GLA: variants seen among roughly 807,000 people sequenced by gnomAD.
The protein encoded by GLA is alpha-galactosidase A.
Under a neutral mutation model 28.2 loss-of-function variants are expected in GLA, and 4 were observed. The observed-to-expected ratio is 0.14, with a 90% confidence interval of 0.07 to 0.32. GLA has a LOEUF of 0.32. Ranked by LOEUF, GLA falls within the 10% of genes least tolerant of loss-of-function variation. The probability of loss-of-function intolerance (pLI) is 1.00; values close to 1 mark genes in which losing one functional copy is unlikely to be tolerated. For missense variants in GLA, 203 were observed against 323.7 expected (o/e 0.63, Z 2.86); for synonymous variants, 94 against 113.0 (o/e 0.83, Z 1.07).
chrX:101,401,705 G>A lies in GLA; in HGVS notation c.474C>T (p.Thr158=), dbSNP rs782615630. The change falls in exon 3 of 7, where the codon ACC becomes ACT. Residue 158 remains threonine, a synonymous_variant. Transcript: ENST00000218516. The part of the protein sequence containing the change: ...SFGYYDIDAQ[T]FADWGVDLLK... ...GCAGATCTACTCCCCAGTCAGCAAA[G>A]GTCTGGGCATCAATGTCGTAGTATC... 8 of 1,208,305 alleles carry A rather than the reference G, an allele frequency of 6.6e-6. No individual in the cohort carries two copies. The Admixed American group carries it at 1.3e-4, about 20-fold the overall frequency.
Position 101,405,129 on chromosome X carries a change from G to A in GLA, c.195-1144C>T, listed in dbSNP as rs1426022800. On this transcript the variant is annotated intron_variant, in intron 1 of 6. Coordinates refer to ENST00000218516, the MANE Select transcript of GLA (RefSeq NM_000169.3). ...CGCATGCCTGTAATTCCAGCTACTC[G>A]CGAGGATGAGGCAGGAGAATTGCTT... Among the ~76,000 whole-genome samples, 14 of 107,084 alleles carry A rather than the reference G, an allele frequency of 1.3e-4. No homozygotes were observed. Among genetic ancestry groups the A allele is most frequent in the Non-Finnish European group, 1.7e-4 (9 of 52,007 alleles). 93.0% of individuals were successfully genotyped at this position (107,084 alleles called of 115,157 possible). A position where few individuals can be genotyped will look rare whatever the true frequency, so the allele number is the denominator to read the frequency against.
rs781880952 is a variant in GLA at position 101,406,211 on chromosome X, CA to C, written c.194+1498del. On this transcript the variant is annotated intron_variant, in intron 1 of 6. Transcript: ENST00000218516. ...TGGGCGACAGAGCGAGACCCCGTCT[CA>C]AAAAAAAAAAAAAAAAAAAAGTGTA... is the stretch of plus-strand genomic sequence containing the variant. 8.2e-3 allele frequency among the ~76,000 whole-genome samples: 292 copies of C among 35,681 alleles called. 2 individuals are homozygous for C. The highest frequency in any genetic ancestry group is 0.029 in the East Asian group (27 of 920). 31.0% of individuals were successfully genotyped at this position (35,681 alleles called of 115,157 possible).
At chrX:101,401,239 G>T in intron 3 of GLA, 1 of 240,427 alleles carries the variant, frequency 4.2e-6, no homozygotes. Flanking sequence ...GTACCTCCCA[G>T]ACTGCTGGGA....
intron 1 of GLA, among the ~76,000 whole-genome samples, chrX:101,406,120 A>G (rs1288194855): frequency 3.9e-5 from 4 of 102,055 alleles, no homozygotes; most frequent in Admixed American, 1.1e-4. Context: ...GCTGAGGCAG[A>G]AGAATGGCGT....
intron 1 of GLA, among the ~76,000 whole-genome samples, chrX:101,406,206 C>A (rs186624778): frequency 0.013 from 1,164 of 89,310 alleles, 13 homozygotes; most frequent in Non-Finnish European, 0.02. Flanking sequence ...AGCGAGACCC[C>A]GTCTCAAAAA....
At chrX:101,403,026 G>A (rs782661731) in intron 2 of GLA, among the ~76,000 whole-genome samples, 20 of 110,558 alleles carry the variant, frequency 1.8e-4, no homozygotes, top group Non-Finnish European at 3.6e-4. Flanking sequence ...TAGGCTAGGC[G>A]CGGTGGCTCA....
chrX:101,398,295 A>C (rs1555984903), intron 6 of GLA, 75 bp downstream of exon 6: 10 of 870,930 alleles, frequency 1.1e-5, no homozygotes, highest in Non-Finnish European at 1.7e-5. Context: ...AGCAAGGGAA[A>C]AAAATAGATT....
At chrX:101,404,008 C>T (rs782507007) in intron 1 of GLA, 23 bp from the exon 2 acceptor site, 1 of 1,163,806 alleles carries the variant, frequency 8.6e-7, no homozygotes. Context: ...TTCCAATAAT[C>T]ATTACAATTC....
At chrX:101,398,749 C>A in intron 5 of GLA, 36 bp downstream of exon 5, 1 of 1,191,189 alleles carries the variant, frequency 8.4e-7, no homozygotes, top group Non-Finnish European at 1.1e-6. Context: ...ACAAGCCTAC[C>A]GCAGGGTCTT....
chrX:101,407,475 A>G (rs1928565226), intron 1 of GLA, among the ~76,000 whole-genome samples: 1 of 111,295 alleles, frequency 9.0e-6, no homozygotes, highest in Non-Finnish European at 1.9e-5. Context: ...AGAGAGAGAG[A>G]GAGAGAAAGA....
Position 101,397,997 on chromosome X carries a change from C to T in GLA, c.1102G>A (p.Ala368Thr), listed in dbSNP as rs144994244. The part of the protein sequence containing the change: ...EIGGPRSYTI[A>T]VASLGKGVAC... ...ACTCCTTTACCCAGGGAAGCAACTG[C>T]GATGGTATAAGAGCGAGGTCCACCA... The change falls in exon 7 of 7, where the codon GCA becomes ACA. Residue 368 changes from alanine (A) to threonine (T), a missense_variant. This residue lies in a region of GLA where 162 missense variants were observed against 246.8 expected (regional missense o/e 0.66). Coordinates refer to ENST00000218516, the MANE Select transcript of GLA (RefSeq NM_000169.3). 59 of 1,208,524 alleles carry T rather than the reference C, an allele frequency of 4.9e-5. No individual in the cohort carries two copies. In the African/African-American group the frequency reaches 1.0e-3, roughly 20 times the overall value.
chrX:101,405,642 C>T (rs1047882259), intron 1 of GLA, among the ~76,000 whole-genome samples: 7 of 110,738 alleles, frequency 6.3e-5, no homozygotes, highest in Non-Finnish European at 9.5e-5. Context: ...AAAAAGAGGC[C>T]GGGTGCGGTG....
chrX:101,401,891 G>T, intron 2 of GLA, 82 bp from the exon 3 acceptor site: 1 of 852,491 alleles, frequency 1.2e-6, no homozygotes, highest in South Asian at 2.2e-5. Flanking sequence ...TTCCAGGCTG[G>T]GGGAAGAGAC....
chrX:101,405,105 G>A (rs1187654802), intron 1 of GLA, among the ~76,000 whole-genome samples: 5 of 108,680 alleles, frequency 4.6e-5, no homozygotes, highest in African/African-American at 1.7e-4. Context: ...GCGTGGTGGC[G>A]CATGCCTGTA....
intron 3 of GLA, 194 bp from the exon 4 acceptor site, chrX:101,400,951 T>C: frequency 3.5e-6 from 1 of 287,580 alleles, no homozygotes; most frequent in Non-Finnish European, 6.0e-6. Context: ...CTCTTCTGTC[T>C]CAGCTTCCCA....
intron 1 of GLA, among the ~76,000 whole-genome samples, chrX:101,405,935 T>C (rs1201863890): frequency 3.4e-5 from 3 of 87,365 alleles, no homozygotes; most frequent in Non-Finnish European, 6.5e-5. Context: ...AAAGTAAGGC[T>C]GGGCACGGTG....
chrX:101,405,498 G>A (rs1928474296), intron 1 of GLA, among the ~76,000 whole-genome samples: 1 of 111,697 alleles, frequency 9.0e-6, no homozygotes, highest in Non-Finnish European at 1.9e-5. Context: ...TCTTCAGGTA[G>A]GAAAGGACTT....
rs782246787 is a variant in GLA at position 101,407,461 on chromosome X, C to CGAGAGAGAGAGAGA, written c.194+235_194+248dup. Among the ~76,000 whole-genome samples the CGAGAGAGAGAGAGA allele has an allele frequency of 6.6e-3, 687 of 103,708 alleles. 11 individuals carry two copies. The highest frequency in any genetic ancestry group is 0.024 in the African/African-American group (651 of 27,632). 90.1% of individuals were successfully genotyped at this position (103,708 alleles called of 115,157 possible). On this transcript the variant is annotated intron_variant, in intron 1 of 6. Coordinates refer to ENST00000218516, the MANE Select transcript of GLA (RefSeq NM_000169.3). ...AAGAGAAAGAGAAAGAGAAGGAGAA[C>CGAGAGAGAGAGAGA]GAGAGAGAGAGAGAGAGAGAAAGAA...
At chrX:101,401,153 G>A (rs1164744604) in intron 3 of GLA, 11 of 194,718 alleles carry the variant, frequency 5.6e-5, no homozygotes, top group Non-Finnish European at 8.5e-5. Context: ...TATATTTTAA[G>A]AAGAGGCTAC....
Sources: allele counts gnomAD v4.1 joint callset (sites outside exome capture counted in the v4.1 genomes callset), GRCh38; gene constraint gnomAD v4.1.1; regional missense constraint gnomAD v4.1.1; transcripts MANE v1.5; gene names NCBI Gene and HGNC (gene_info 2026-07-23, HGNC 2026-07-21).